Variants in NEXMIF observed in about 807,000 individuals in gnomAD.
NEXMIF encodes neurite extension and migration factor, also known as XLMR protein related to neurite extension.
A neutral mutation model predicts 62.1 loss-of-function variants in NEXMIF; 8 were observed. That is an observed-to-expected ratio of 0.13 (90% confidence interval 0.08 to 0.23). The LOEUF is 0.23. Ranked by LOEUF, NEXMIF falls within the 10% of genes least tolerant of loss-of-function variation. The pLI, the probability that NEXMIF is intolerant of heterozygous loss-of-function variation, is 1.00. For synonymous variants in NEXMIF, 404 were observed against 416.6 expected (o/e 0.97, Z 0.37); for missense variants, 976 against 1,113.3 (o/e 0.88, Z 1.75).
intron 1 of NEXMIF, among the ~76,000 whole-genome samples, chrX:74,902,253 G>A (rs954879550): frequency 1.8e-5 from 2 of 109,391 alleles, no homozygotes; most frequent in African/African-American, 6.7e-5. Flanking sequence ...GCCCCAGTTA[G>A]CTAAATGTTT....
intron 1 of NEXMIF, among the ~76,000 whole-genome samples, chrX:74,883,221 ACT>A (rs2080673899): frequency 9.0e-6 from 1 of 111,520 alleles, no homozygotes; most frequent in Non-Finnish European, 1.9e-5. Context: ...AAAACCGGAA[ACT>A]CTAAAAATCA....
At chrX:74,915,606 A>G (rs1056745085) in intron 1 of NEXMIF, among the ~76,000 whole-genome samples, 1 of 112,100 alleles carries the variant, frequency 8.9e-6, no homozygotes, top group Non-Finnish European at 1.9e-5. Context: ...TGGGATGGAA[A>G]TATTATCCCA....
intron 1 of NEXMIF, among the ~76,000 whole-genome samples, chrX:74,820,994 T>C (rs1261114073): frequency 4.5e-5 from 5 of 111,020 alleles, no homozygotes; most frequent in Non-Finnish European, 9.4e-5. Flanking sequence ...GTAACCAACC[T>C]GTACATGTGT....
intron 1 of NEXMIF, among the ~76,000 whole-genome samples, chrX:74,840,004 T>C (rs188386963): frequency 1.8e-5 from 2 of 111,976 alleles, no homozygotes; most frequent in African/African-American, 3.2e-5. Context: ...CTTTCCACAA[T>C]AGTTGAACTA....
At chrX:74,874,529 G>T (rs2080620478) in intron 1 of NEXMIF, among the ~76,000 whole-genome samples, 1 of 106,474 alleles carries the variant, frequency 9.4e-6, no homozygotes, top group Admixed American at 1.0e-4. Context: ...ATTCTGTGAA[G>T]AAAGTCATTG....
chrX:74,849,889 G>T (rs1333702881), intron 1 of NEXMIF, among the ~76,000 whole-genome samples: 1 of 111,560 alleles, frequency 9.0e-6, no homozygotes, highest in African/African-American at 3.3e-5. Context: ...ACAGCTTCCT[G>T]CCTATTACTG....
At chrX:74,812,976 G>A (rs1218299708) in intron 1 of NEXMIF, among the ~76,000 whole-genome samples, 1 of 111,852 alleles carries the variant, frequency 8.9e-6, no homozygotes, top group African/African-American at 3.2e-5. Flanking sequence ...GAGTAACATT[G>A]ACTGCTTTTT....
intron 1 of NEXMIF, among the ~76,000 whole-genome samples, chrX:74,893,019 A>G (rs907746032): frequency 8.9e-6 from 1 of 112,157 alleles, no homozygotes; most frequent in Non-Finnish European, 1.9e-5. Flanking sequence ...AAAAATAAGG[A>G]TACTGACTTA....
chrX:74,896,881 C>T lies in NEXMIF; in HGVS notation c.-48+28002G>A, dbSNP rs949023285. ...GACACAAAGCTAGCTGCCTAATATC[C>T]GCAGCAAGCAAGGACAATTAGAAAA... On this transcript the variant is annotated intron_variant, in intron 1 of 3. Coordinates refer to ENST00000055682, the MANE Select transcript of NEXMIF (RefSeq NM_001008537.3). Among the ~76,000 whole-genome samples the T allele has an allele frequency of 4.5e-5, 5 of 111,919 alleles. No homozygotes were observed. The Admixed American group carries it at 4.8e-4, about 11-fold the overall frequency.
At chrX:74,814,727 T>C (rs2080370627) in intron 1 of NEXMIF, among the ~76,000 whole-genome samples, 1 of 112,583 alleles carries the variant, frequency 8.9e-6, no homozygotes, top group African/African-American at 3.2e-5. Flanking sequence ...ATGTGAGACT[T>C]AATATATAAT....
chrX:74,886,786 T>C (rs2080695663), intron 1 of NEXMIF, among the ~76,000 whole-genome samples: 2 of 107,827 alleles, frequency 1.9e-5, no homozygotes, highest in South Asian at 4.1e-4. Context: ...CTTCACAGAA[T>C]TGGAAAAAAC....
chrX:74,843,046 T>G (rs899920835), intron 1 of NEXMIF, among the ~76,000 whole-genome samples: 2 of 111,906 alleles, frequency 1.8e-5, no homozygotes, highest in African/African-American at 3.2e-5. Flanking sequence ...TCTGCCTTGA[T>G]GATCTGTCTA....
intron 1 of NEXMIF, among the ~76,000 whole-genome samples, chrX:74,779,446 A>T (rs1279938330): frequency 9.0e-6 from 1 of 111,563 alleles, no homozygotes; most frequent in East Asian, 2.8e-4. Context: ...TGGCTCAAGA[A>T]CTCACAATGA....
rs1371634491 is a variant in NEXMIF at position 74,737,611 on chromosome X, G to C, written c.*1794C>G. On this transcript the variant is annotated 3_prime_UTR_variant, in exon 4 of 4. Coordinates refer to ENST00000055682, the MANE Select transcript of NEXMIF (RefSeq NM_001008537.3). ...CAGCTGTAAGGAATAGAGCAGGCTGGTGAAAGGAATCATGGACCGGGAAGT... is the reference window on the plus strand; with the variant it reads ...CAGCTGTAAGGAATAGAGCAGGCTGCTGAAAGGAATCATGGACCGGGAAGT... 2 of 111,455 alleles carry C rather than the reference G, an allele frequency of 1.8e-5. No individual in the cohort carries two copies. The highest frequency in any genetic ancestry group is 6.5e-5 in the African/African-American group (2 of 30,562). 9.2% of individuals were successfully genotyped at this position (111,455 alleles called of 1,213,427 possible).
intron 1 of NEXMIF, among the ~76,000 whole-genome samples, chrX:74,870,437 G>A (rs539504592): frequency 1.3e-4 from 15 of 111,558 alleles, no homozygotes; most frequent in African/African-American, 4.2e-4. Flanking sequence ...TACCCCACAA[G>A]CACTGACAAC....
chrX:74,889,055 A>C (rs1353009963), intron 1 of NEXMIF, among the ~76,000 whole-genome samples: 2 of 111,826 alleles, frequency 1.8e-5, no homozygotes, highest in Non-Finnish European at 3.8e-5. Context: ...CACTCAAGAC[A>C]ATGGATGTGA....
chrX:74,861,969 T>C (rs1250456683), intron 1 of NEXMIF, among the ~76,000 whole-genome samples: 1 of 111,657 alleles, frequency 9.0e-6, no homozygotes, highest in African/African-American at 3.3e-5. Context: ...AGCATCATGA[T>C]GAAAGGACCA....
intron 1 of NEXMIF, among the ~76,000 whole-genome samples, chrX:74,829,829 G>A (rs906916121): frequency 1.8e-5 from 2 of 111,451 alleles, no homozygotes; most frequent in African/African-American, 3.3e-5. Context: ...TCATATTCCT[G>A]TTTGCCATTT....
At chrX:74,850,236 C>G (rs902417324) in intron 1 of NEXMIF, among the ~76,000 whole-genome samples, 1 of 112,308 alleles carries the variant, frequency 8.9e-6, no homozygotes, top group Non-Finnish European at 1.9e-5. Flanking sequence ...GACTTGCAGA[C>G]CTGAGACTGG....
Sources: gnomAD v4.1 joint callset for allele counts (sites outside exome capture counted in the v4.1 genomes callset) on GRCh38, gnomAD v4.1.1 for gene constraint, MANE v1.5 for transcripts, NCBI Gene and HGNC (gene_info 2026-07-23, HGNC 2026-07-21) for gene names.